Variants in MBTPS1 observed in about 807,000 individuals in gnomAD.
MBTPS1 encodes the protein membrane bound transcription factor peptidase, site 1.
In MBTPS1, 94 loss-of-function variants were observed where a neutral mutation model predicts 127.8. That is an observed-to-expected ratio of 0.74 (90% CI 0.62 to 0.87). The LOEUF is 0.87. Among genes scored for constraint, MBTPS1 ranks in the 40% least tolerant of loss-of-function variants. The pLI is 0.00. For missense variants in MBTPS1, 1,636 were observed against 1,353.2 expected (o/e 1.21, Z -3.28); for synonymous variants, 632 against 509.4 (o/e 1.24, Z -3.24).
intron 11 of MBTPS1, among the ~76,000 whole-genome samples, chr16:84,079,832 T>C (rs1422277299): frequency 2.6e-5 from 4 of 152,244 alleles, no homozygotes; most frequent in African/African-American, 4.8e-5. Context: ...GATAGGCAGA[T>C]ACAGAAGCAG....
chr16:84,093,235 C>G lies in MBTPS1; in HGVS notation c.799G>C (p.Ala267Pro), dbSNP rs2086134227. The G allele has an allele frequency of 2.5e-6, 4 of 1,614,122 alleles. No homozygotes were observed. Among genetic ancestry groups the G allele is most frequent in the Non-Finnish European group, 3.4e-6 (4 of 1,179,968 alleles). ...IASMRECQGF[A>P]PDAELHIFRV... Reference sequence around the variant, plus strand: ...AAAATGTGAAGTTCTGCATCTGGAGCAAATCCTTGGCACTCCCTCATGCTG... The same window carrying G: ...AAAATGTGAAGTTCTGCATCTGGAGGAAATCCTTGGCACTCCCTCATGCTG... Residue 267 changes from alanine (A) to proline (P), a missense_variant, in exon 6 of 23, where the codon GCT becomes CCT. Coordinates refer to ENST00000343411, the MANE Select transcript of MBTPS1 (RefSeq NM_003791.4).
intron 12 of MBTPS1, among the ~76,000 whole-genome samples, chr16:84,072,664 C>G (rs1054258599): frequency 1.3e-5 from 2 of 152,268 alleles, no homozygotes; most frequent in South Asian, 4.2e-4. Context: ...GTGGTGGGCG[C>G]CTGTAGTCCC....
intron 11 of MBTPS1, chr16:84,074,983 C>A: frequency 3.1e-6 from 1 of 321,278 alleles, no homozygotes; most frequent in Non-Finnish European, 5.7e-6. Flanking sequence ...TTTTGCAAGT[C>A]TGGAGCTTTG....
At position 84,115,642 on chromosome 16, in the gene MBTPS1, T is replaced by C. The variant is rs185977775; in HGVS notation, c.-325+1093A>G. Among the ~76,000 whole-genome samples, 51 of 152,308 alleles carry C rather than the reference T, an allele frequency of 3.3e-4. No homozygotes were observed. In the East Asian group the frequency reaches 7.3e-3, roughly 22 times the overall value. On this transcript the variant is annotated intron_variant, in intron 1 of 22. Transcript: ENST00000343411. ...GCCTGACACAAAAGGCCGCATATCA[T>C]ATGTTTCCATCTGAATATACGAAAT...
At position 84,066,728 on chromosome 16, in the gene MBTPS1, C is replaced by T; in HGVS notation, c.2229-115G>A. ...CCTGCCACAATCCAGTCCTTCCACA[C>T]TAAGGCTTCAACTGAAACCAACTGT... On this transcript the variant is annotated intron_variant, in intron 16 of 22. Coordinates refer to ENST00000343411, the MANE Select transcript of MBTPS1 (RefSeq NM_003791.4). The T allele has an allele frequency of 4.8e-6, 5 of 1,047,082 alleles. No homozygotes were observed. The South Asian group carries it at 8.6e-5, about 18-fold the overall frequency. 64.9% of individuals were successfully genotyped at this position (1,047,082 alleles called of 1,614,324 possible). A position where few individuals can be genotyped will look rare whatever the true frequency, so the allele number is the denominator to read the frequency against.
rs894380418 is a variant in MBTPS1, at chr16:84,068,704, T to C, written c.1956-250A>G. On this transcript the variant is annotated intron_variant, in intron 14 of 22. Transcript: ENST00000343411. ...AAAGAGACAAAATGACCAGAAGAAA[T>C]GGCCAAAGACATGTTTAATGTGTCC... Among the ~76,000 whole-genome samples the C allele has an allele frequency of 4.6e-5, 7 of 152,186 alleles. No homozygotes were observed. The East Asian group carries it at 5.8e-4, about 13-fold the overall frequency.
intron 1 of MBTPS1, among the ~76,000 whole-genome samples, chr16:84,105,297 A>C (rs1359577248): frequency 6.6e-6 from 1 of 152,246 alleles, no homozygotes; most frequent in Admixed American, 6.5e-5. Context: ...CAGGTACTAC[A>C]GAACAAACAC....
At chr16:84,104,848 G>A (rs541446751) in intron 1 of MBTPS1, among the ~76,000 whole-genome samples, 2 of 152,156 alleles carry the variant, frequency 1.3e-5, no homozygotes, top group African/African-American at 2.4e-5. Context: ...GGCTGAGGCC[G>A]GCGGATCACT....
Position 84,056,159 on chromosome 16 carries a change from A to T in MBTPS1, c.2832-24T>A, listed in dbSNP as rs1002636815. On this transcript the variant is annotated intron_variant, in intron 21 of 22. Transcript: ENST00000343411. ...TACTTCAGGAAAATGGATTAAAACAAAACAAAAATAAGCCATTGTACTAGT... is the reference window on the plus strand; with the variant it reads ...TACTTCAGGAAAATGGATTAAAACATAACAAAAATAAGCCATTGTACTAGT... 3 of 1,607,660 alleles carry T rather than the reference A, an allele frequency of 1.9e-6. No individual in the cohort carries two copies. In the African/African-American group the frequency reaches 4.0e-5, roughly 21 times the overall value.
intron 1 of MBTPS1, among the ~76,000 whole-genome samples, chr16:84,107,904 C>T (rs1339096742): frequency 1.4e-5 from 2 of 146,970 alleles, no homozygotes; most frequent in Non-Finnish European, 3.0e-5. Context: ...GGGGGTCTCA[C>T]CTTGTTGCCC....
chr16:84,073,323 G>C (rs375108923), intron 12 of MBTPS1, among the ~76,000 whole-genome samples: 1 of 151,954 alleles, frequency 6.6e-6, no homozygotes, highest in African/African-American at 2.4e-5. Flanking sequence ...TAGTAGAGAC[G>C]GGGTTTCACC....
chr16:84,078,852 G>A (rs372388583), intron 11 of MBTPS1, among the ~76,000 whole-genome samples: 2 of 152,200 alleles, frequency 1.3e-5, no homozygotes, highest in African/African-American at 4.8e-5. Flanking sequence ...CAGGGGGAAG[G>A]ATAAACCCAA....
chr16:84,067,748 T>C lies in MBTPS1; in HGVS notation c.2147A>G (p.Asn716Ser), dbSNP rs766150708. Residue 716 changes from asparagine to serine, a missense_variant, in exon 16 of 23, where the codon AAC becomes AGC. Asn to Ser is a conservative substitution (Grantham distance 46). Transcript: ENST00000343411. ...ACTGAAGATGACGAGCGAGAGGCCGTTGTCCACGTCCCTCCGGAGCTTGGC... is the reference window on the plus strand; with the variant it reads ...ACTGAAGATGACGAGCGAGAGGCCGCTGTCCACGTCCCTCCGGAGCTTGGC... ...EIAKLRRDVDNGLSLVIFSDW... is the reference protein window; with the variant it reads ...EIAKLRRDVDSGLSLVIFSDW... 1.2e-6 allele frequency: 2 copies of C among 1,614,104 alleles called. No homozygotes were observed. Among genetic ancestry groups the C allele is most frequent in the Admixed American group, 1.7e-5 (1 of 60,032 alleles).
intron 9 of MBTPS1, 51 bp from the exon 10 acceptor site, chr16:84,085,185 C>T (rs957365599): frequency 3.2e-6 from 5 of 1,570,348 alleles, no homozygotes; most frequent in Admixed American, 1.7e-5. Context: ...GGCATACAGC[C>T]GCATGCAATC....
chr16:84,089,818 C>T (rs188887548), intron 8 of MBTPS1, among the ~76,000 whole-genome samples: 2 of 152,312 alleles, frequency 1.3e-5, no homozygotes, highest in East Asian at 1.9e-4. Flanking sequence ...CACCTGGTGA[C>T]TCTGAACCGA....
intron 1 of MBTPS1, among the ~76,000 whole-genome samples, chr16:84,107,486 C>T (rs1428205001): frequency 6.6e-6 from 1 of 152,160 alleles, no homozygotes; most frequent in African/African-American, 2.4e-5. Flanking sequence ...AAAATCCAGG[C>T]TCTATCAAGA....
rs372288313 is a variant in MBTPS1, at chr16:84,056,066, C to G, written c.2901G>C (p.Ser967=). The G allele has an allele frequency of 6.2e-7, 1 of 1,614,082 alleles. No homozygotes were observed. Among genetic ancestry groups the G allele is most frequent in the East Asian group, 2.2e-5 (1 of 44,882 alleles). Residue 967 remains serine (S), a synonymous_variant, in exon 22 of 23, where the codon TCG becomes TCC. Coordinates refer to ENST00000343411, the MANE Select transcript of MBTPS1 (RefSeq NM_003791.4). ...LDKVVLPNFR[S]NRPQVRPLSP... ...ACAAGGGCCTCACTTGAGGGCGATT[C>G]GATCGAAAGTTGGGTAACACCACCT... is the stretch of plus-strand genomic sequence containing the variant.
chr16:84,078,882 T>A lies in MBTPS1; in HGVS notation c.1448+2865A>T, dbSNP rs140705472. On this transcript the variant is annotated intron_variant, in intron 11 of 22. Coordinates refer to ENST00000343411, the MANE Select transcript of MBTPS1 (RefSeq NM_003791.4). ...ACCCAAACCTGATGTCATGGTTACC[T>A]AAGGCGTGTGCGGAAGCCTGGTAGA... Among the ~76,000 whole-genome samples, 393 of 152,342 alleles carry A rather than the reference T, an allele frequency of 2.6e-3. 2 individuals are homozygous for A. The highest frequency in any genetic ancestry group is 9.0e-3 in the African/African-American group (373 of 41,578).
In MBTPS1 at chr16:84,074,587, G is replaced by C. The variant is rs1476216156; in HGVS notation, c.1593+10C>G. The C allele has an allele frequency of 6.2e-7, 1 of 1,612,572 alleles. No homozygotes were observed. The highest frequency in any genetic ancestry group is 1.3e-5 in the African/African-American group (1 of 75,022). On this transcript the variant is annotated intron_variant, in intron 12 of 22. Transcript: ENST00000343411. The stretch of plus-strand genomic sequence containing the variant: ...ATCAAGTCAGAGACCAAGTCAGAGA[G>C]AAGTTTCACCTTATCTACAATTCTT...
Sources: gnomAD v4.1 joint callset for allele counts (sites outside exome capture counted in the v4.1 genomes callset) on GRCh38, gnomAD v4.1.1 for gene constraint, MANE v1.5 for transcripts, NCBI Gene and HGNC (gene_info 2026-07-23, HGNC 2026-07-21) for gene names.